CPNE4: variants seen among roughly 807,000 people sequenced by gnomAD.
CPNE4 encodes copine 4.
A neutral mutation model predicts 67.9 loss-of-function variants in CPNE4; 25 were observed. The ratio of observed to expected loss-of-function variants is 0.37; its 90% CI spans 0.27 to 0.51. The LOEUF is 0.51. Among genes scored for constraint, CPNE4 ranks in the 20% least tolerant of loss-of-function variants. The probability of loss-of-function intolerance (pLI) is 0.93; values close to 1 mark genes in which losing one functional copy is unlikely to be tolerated. For missense variants in CPNE4, 464 were observed against 690.8 expected (o/e 0.67, Z 3.68); for synonymous variants, 242 against 244.9 (o/e 0.99, Z 0.11).
At chr3:131,903,023 GCTCA>G (rs1480551386) in intron 2 of CPNE4, among the ~76,000 whole-genome samples, 3 of 152,060 alleles carry the variant, frequency 2.0e-5, no homozygotes, top group African/African-American at 7.2e-5. Context: ...AATTTCACCT[GCTCA>G]CTAACTGCTA....
chr3:131,784,733 AATTCTT>A (rs1371010769), intron 2 of CPNE4, among the ~76,000 whole-genome samples: 2 of 152,014 alleles, frequency 1.3e-5, no homozygotes, highest in African/African-American at 4.8e-5. Flanking sequence ...CCCATTTCTT[AATTCTT>A]GCTTTCTGAC....
chr3:131,760,066 C>T (rs1583155118), intron 2 of CPNE4, among the ~76,000 whole-genome samples: 1 of 152,234 alleles, frequency 6.6e-6, no homozygotes, highest in Non-Finnish European at 1.5e-5. Context: ...ATGTAAAAAT[C>T]TTAGTAACAA....
chr3:131,901,721 A>G (rs1164889954), intron 2 of CPNE4, among the ~76,000 whole-genome samples: 1 of 152,056 alleles, frequency 6.6e-6, no homozygotes, highest in African/African-American at 2.4e-5. Flanking sequence ...CTTCTGCTGG[A>G]TGGCCCAGCT....
chr3:131,822,140 G>C lies in CPNE4; in HGVS notation c.180+83124C>G, dbSNP rs183753152. Among the ~76,000 whole-genome samples the C allele has an allele frequency of 3.8e-3, 574 of 152,222 alleles. 2 individuals are homozygous for C. Among genetic ancestry groups the C allele is most frequent in the Middle Eastern group, 0.017 (5 of 294 alleles). On this transcript the variant is annotated intron_variant, in intron 2 of 15. Transcript: ENST00000429747. ...CAGAGTAAAAGGCAATAAAGCTAAC[G>C]CAAGGGCCAACTGTGTACAATAAAA...
intron 4 of CPNE4, among the ~76,000 whole-genome samples, chr3:131,699,310 G>C (rs1463831031): frequency 6.6e-6 from 1 of 152,164 alleles, no homozygotes; most frequent in Non-Finnish European, 1.5e-5. Flanking sequence ...CACTGGATAT[G>C]TGGCCAGTGT....
intron 2 of CPNE4, among the ~76,000 whole-genome samples, chr3:131,807,606 G>A (rs2084368203): frequency 6.6e-6 from 1 of 152,010 alleles, no homozygotes; most frequent in African/African-American, 2.4e-5. Flanking sequence ...AAAGAAAAGT[G>A]AAATCCCTGG....
In CPNE4 at chr3:131,789,035, C is replaced by CACAGAG. The variant is rs1553771459; in HGVS notation, c.181-65411_181-65410insCTCTGT. Among the ~76,000 whole-genome samples the CACAGAG allele has an allele frequency of 3.6e-3, 493 of 137,384 alleles. 2 individuals carry two copies. Among genetic ancestry groups the CACAGAG allele is most frequent in the East Asian group, 6.9e-3 (33 of 4,772 alleles). The allele number at this position is 137,384 out of a possible 152,430, so 90.1% of individuals were successfully genotyped here. A position where few individuals can be genotyped will look rare whatever the true frequency, so the allele number is the denominator to read the frequency against. The stretch of plus-strand genomic sequence containing the variant: ...ACACACACACACACACACACACACA[C>CACAGAG]AGAGAGAGAGAGAGAGAGAGAGAGA... On this transcript the variant is annotated intron_variant, in intron 2 of 15. Coordinates refer to ENST00000429747, the MANE Select transcript of CPNE4 (RefSeq NM_130808.3).
chr3:131,853,445 A>G (rs1304981344), intron 2 of CPNE4, among the ~76,000 whole-genome samples: 1 of 151,908 alleles, frequency 6.6e-6, no homozygotes, highest in African/African-American at 2.4e-5. Context: ...GGCTGAAAGA[A>G]AAGCTAGAAC....
intron 9 of CPNE4, among the ~76,000 whole-genome samples, chr3:131,575,359 C>T (rs1270903275): frequency 1.3e-5 from 2 of 152,104 alleles, no homozygotes; most frequent in African/African-American, 2.4e-5. Context: ...CATTGCTCCC[C>T]TCTATTATGG....
chr3:131,667,284 A>G (rs1438042848), intron 7 of CPNE4, among the ~76,000 whole-genome samples: 1 of 152,206 alleles, frequency 6.6e-6, no homozygotes, highest in Non-Finnish European at 1.5e-5. Context: ...AAACATTTTC[A>G]TAGGTTCTTG....
chr3:131,876,369 G>A lies in CPNE4; in HGVS notation c.180+28895C>T, dbSNP rs568161094. On this transcript the variant is annotated intron_variant, in intron 2 of 15. Coordinates refer to ENST00000429747, the MANE Select transcript of CPNE4 (RefSeq NM_130808.3). ...GAGACATTCTTTTTCTCGGCCGGGC[G>A]TGGTGGCTCACGCCTGTAATCCCAG... 7.2e-4 allele frequency among the ~76,000 whole-genome samples: 109 copies of A among 151,998 alleles called. No homozygotes were observed. In the Middle Eastern group the frequency reaches 0.014, roughly 19 times the overall value.
intron 7 of CPNE4, among the ~76,000 whole-genome samples, chr3:131,668,119 G>C (rs1241905590): frequency 6.6e-6 from 1 of 152,162 alleles, no homozygotes; most frequent in Non-Finnish European, 1.5e-5. Context: ...GTGCAACTCT[G>C]AGTTGCTCCT....
Position 132,034,844 on chromosome 3 carries a change from T to C in CPNE4, c.-279A>G, listed in dbSNP as rs7649058. 310,531 of 984,506 alleles carry C rather than the reference T, an allele frequency of 0.32. 49,238 individuals are homozygous for C. The highest frequency in any genetic ancestry group is 0.32 in the African/African-American group (18,396 of 56,966). 61.0% of individuals were successfully genotyped at this position (984,506 alleles called of 1,614,324 possible). On this transcript the variant is annotated 5_prime_UTR_variant, in exon 1 of 16. Transcript: ENST00000429747. ...GGGAAGAGGGTGAAAATGTTGGAGA[T>C]GTCAGGTCGGCTCTCAGTTAACTCG...
chr3:131,860,346 C>A (rs958695753), intron 2 of CPNE4, among the ~76,000 whole-genome samples: 1 of 151,966 alleles, frequency 6.6e-6, no homozygotes, highest in African/African-American at 2.4e-5. Context: ...AGAACCCAAG[C>A]GGAGGAAAGG....
chr3:131,963,413 G>C (rs2072242540), intron 1 of CPNE4, among the ~76,000 whole-genome samples: 2 of 152,014 alleles, frequency 1.3e-5, no homozygotes, highest in Admixed American at 1.3e-4. Context: ...CTTGGAAAGG[G>C]AGCTGAAGCC....
intron 1 of CPNE4, among the ~76,000 whole-genome samples, chr3:131,914,368 T>C (rs533657974): frequency 1.3e-5 from 2 of 152,324 alleles, no homozygotes; most frequent in South Asian, 4.1e-4. Flanking sequence ...TTGGCCCATC[T>C]AGCTTCCCTG....
chr3:132,000,704 G>A (rs1227185072), intron 1 of CPNE4, among the ~76,000 whole-genome samples: 1 of 151,598 alleles, frequency 6.6e-6, no homozygotes, highest in East Asian at 1.9e-4. Flanking sequence ...AAGCATTGCA[G>A]GCAGACAGAA....
intron 1 of CPNE4, among the ~76,000 whole-genome samples, chr3:131,947,289 T>C (rs940839396): frequency 2.0e-5 from 3 of 152,198 alleles, no homozygotes; most frequent in African/African-American, 7.2e-5. Context: ...TACATAGGTA[T>C]ACATGTGCCA....
chr3:131,723,212 T>A (rs1000817567), intron 3 of CPNE4, among the ~76,000 whole-genome samples: 3 of 152,156 alleles, frequency 2.0e-5, no homozygotes, highest in African/African-American at 7.2e-5. Flanking sequence ...AGTGGGGGAA[T>A]TCAGAAGAGA....
Sources: allele counts gnomAD v4.1 joint callset (sites outside exome capture counted in the v4.1 genomes callset), GRCh38; gene constraint gnomAD v4.1.1; transcripts MANE v1.5; gene names NCBI Gene and HGNC (gene_info 2026-07-23, HGNC 2026-07-21).